BTAF1: variants seen among roughly 807,000 people sequenced by gnomAD.
The protein encoded by BTAF1 is B-TFIID TATA-box binding protein associated factor 1, also known as TATA-binding protein-associated factor 172.
Under a neutral mutation model 227.1 loss-of-function variants are expected in BTAF1, and 38 were observed. The ratio of observed to expected loss-of-function variants is 0.17; its 90% CI spans 0.13 to 0.22. BTAF1 has a LOEUF of 0.22. BTAF1 is among the 10% of genes least tolerant of loss of function. The pLI, the probability that BTAF1 is intolerant of heterozygous loss-of-function variation, is 1.00. For missense variants in BTAF1, 1,598 were observed against 2,204.0 expected (o/e 0.73, Z 5.51); for synonymous variants, 742 against 751.9 (o/e 0.99, Z 0.21).
chr10:92,007,644 T>A (rs1454085266), intron 25 of BTAF1, among the ~76,000 whole-genome samples: 1 of 152,180 alleles, frequency 6.6e-6, no homozygotes, highest in Admixed American at 6.5e-5. Context: ...GTACACGCAG[T>A]TTTCTCCATG....
At chr10:91,978,489 A>G (rs1319436273) in intron 14 of BTAF1, among the ~76,000 whole-genome samples, 3 of 148,470 alleles carry the variant, frequency 2.0e-5, no homozygotes, top group Non-Finnish European at 4.6e-5. Flanking sequence ...GATTGTCCCT[A>G]ATTCCCTCCA....
At chr10:91,990,261 AAAAATATGTT>A in intron 20 of BTAF1, among the ~76,000 whole-genome samples, 1 of 152,196 alleles carries the variant, frequency 6.6e-6, no homozygotes, top group East Asian at 1.9e-4. Flanking sequence ...ATAGATCTTG[AAAAATATGTT>A]TATGAACTAG....
rs775782788 is a variant in BTAF1 at position 92,018,893 on chromosome 10, A to G, written c.4821A>G (p.Leu1607=). 6.2e-5 allele frequency: 100 copies of G among 1,608,290 alleles called. 1 individual carries two copies. In the East Asian group the frequency reaches 2.2e-3, roughly 35 times the overall value. ...AEKLAVQNSS[L]HDIQHAPKLS... ...AACTGGCAGTTCAGAATTCTTCTCT[A>G]CATGATATTCAACATGCCCCTAAGC... Residue 1607 remains leucine (L), a synonymous_variant, in exon 34 of 38, where the codon CTA becomes CTG. Transcript: ENST00000265990.
chr10:91,981,705 G>C lies in BTAF1; in HGVS notation c.1818G>C (p.Trp606Cys). The C allele has an allele frequency of 2.5e-6, 4 of 1,613,894 alleles. No individual in the cohort carries two copies. Among genetic ancestry groups the C allele is most frequent in the Non-Finnish European group, 3.4e-6 (4 of 1,179,862 alleles). The change falls in exon 16 of 38, where the codon TGG (tryptophan) becomes TGC (cysteine). Residue 606 changes from tryptophan (W) to cysteine (C), a missense_variant. Around this residue, in one of 10 missense-constraint regions of BTAF1, gnomAD observed 318 missense variants for 435.0 expected, o/e 0.73. Transcript: ENST00000265990. ...ATGTGGTAGCAGCTGCTTGCCCATG[G>C]ATGGGTGCTTGGCTTTGCTTGATGA... Reference protein sequence around the residue: ...VQYVVAAACPWMGAWLCLMMQ... With the variant: ...VQYVVAAACPCMGAWLCLMMQ...
At chr10:91,955,273 C>T (rs1211015009) in intron 6 of BTAF1, among the ~76,000 whole-genome samples, 1 of 152,162 alleles carries the variant, frequency 6.6e-6, no homozygotes. Context: ...TTTCAGAGTT[C>T]ATGAGTCATT....
At chr10:92,007,832 G>T (rs1850032858) in intron 25 of BTAF1, among the ~76,000 whole-genome samples, 1 of 152,216 alleles carries the variant, frequency 6.6e-6, no homozygotes, top group African/African-American at 2.4e-5. Context: ...GCCAGTAATG[G>T]CATTTAATTC....
At chr10:91,990,944 T>TA (rs1054526604) in intron 20 of BTAF1, among the ~76,000 whole-genome samples, 9 of 151,060 alleles carry the variant, frequency 6.0e-5, no homozygotes, top group African/African-American at 1.7e-4. Flanking sequence ...CCATCTCTAC[T>TA]AAAAAAATAT....
intron 24 of BTAF1, among the ~76,000 whole-genome samples, 162 bp from the exon 25 acceptor site, chr10:91,997,441 T>A (rs1849218949): frequency 6.6e-6 from 1 of 152,366 alleles, no homozygotes; most frequent in South Asian, 2.1e-4. Context: ...AATGGGCAGA[T>A]ACTTTTATAA....
In BTAF1 at chr10:92,024,732, G is replaced by GTTTTTTTGTTTTTT. The variant is rs66512665; in HGVS notation, c.4864-17_4864-16insGTTTTTTTTTTTTT. The GTTTTTTTGTTTTTT allele has an allele frequency of 1.1e-4, 138 of 1,267,948 alleles. 4 individuals are homozygous for GTTTTTTTGTTTTTT. The highest frequency in any genetic ancestry group is 5.0e-4 in the Admixed American group (21 of 42,248). 78.5% of individuals were successfully genotyped at this position (1,267,948 alleles called of 1,614,324 possible). A position where few individuals can be genotyped will look rare whatever the true frequency, so the allele number is the denominator to read the frequency against. On this transcript the variant is annotated intron_variant, in intron 34 of 37. Coordinates refer to ENST00000265990, the MANE Select transcript of BTAF1 (RefSeq NM_003972.3). Reference sequence around the variant, plus strand: ...TCTGCTTTTATTGAACGCTTATGTAGTTTTTTTTTTTTTTCTTCCTAAGTT... The same window carrying GTTTTTTTGTTTTTT: ...TCTGCTTTTATTGAACGCTTATGTAGTTTTTTTGTTTTTTTTTTTTTTTTTTTTCTTCCTAAGTT...
Position 92,024,746 on chromosome 10 carries a change from T to TTTTTTTTTTTTC in BTAF1, c.4864-10_4864-9insTTTTTTTTTTTC. ...ACGCTTATGTAGTTTTTTTTTTTTT[T>TTTTTTTTTTTTC]CTTCCTAAGTTGCTGTTGGACTGCG... On this transcript the variant is annotated splice_polypyrimidine_tract_variant and intron_variant, in intron 34 of 37. Transcript: ENST00000265990. 2 of 1,576,492 alleles carry TTTTTTTTTTTTC rather than the reference T, an allele frequency of 1.3e-6. No individual in the cohort carries two copies.
chr10:91,953,524 G>C (rs1052771875), intron 5 of BTAF1, among the ~76,000 whole-genome samples: 1 of 152,102 alleles, frequency 6.6e-6, no homozygotes, highest in African/African-American at 2.4e-5. Context: ...AAGCATATGT[G>C]TATCTGTTGG....
chr10:91,923,973 T>A lies in BTAF1; in HGVS notation c.-104T>A. ...CCCCACGCCGCACCGGCCGCTCCCC[T>A]GTGCTCCGCGGCCTGGGCCTGCGCC... On this transcript the variant is annotated 5_prime_UTR_variant, in exon 1 of 38. Coordinates refer to ENST00000265990, the MANE Select transcript of BTAF1 (RefSeq NM_003972.3). The A allele has an allele frequency of 7.0e-7, 1 of 1,423,702 alleles. No individual in the cohort carries two copies. The highest frequency in any genetic ancestry group is 1.5e-5 in the African/African-American group (1 of 67,708). 88.2% of individuals were successfully genotyped at this position (1,423,702 alleles called of 1,614,324 possible). A position where few individuals can be genotyped will look rare whatever the true frequency, so the allele number is the denominator to read the frequency against.
In BTAF1 at chr10:91,971,114, T is replaced by C. The variant is rs75123860; in HGVS notation, c.1650+4357T>C. Among the ~76,000 whole-genome samples the C allele has an allele frequency of 1.4e-3, 207 of 152,362 alleles. 6 individuals carry two copies. The East Asian group carries it at 0.037, about 27-fold the overall frequency. On this transcript the variant is annotated intron_variant, in intron 14 of 37. Coordinates refer to ENST00000265990, the MANE Select transcript of BTAF1 (RefSeq NM_003972.3). Reference sequence around the variant, plus strand: ...CCTTTTTTGTTGGAGTCTTAATGTTTATTGTGTTTCCTGTATCCTTTTGTG... The same window carrying C: ...CCTTTTTTGTTGGAGTCTTAATGTTCATTGTGTTTCCTGTATCCTTTTGTG...
rs754782009 is a variant in BTAF1, at chr10:91,962,662, A to G, written c.1388A>G (p.Tyr463Cys). ...SLVPVVESLV[Y>C]LQTQKVPFII... ...GTGCCTGTAGTAGAAAGCCTTGTCTATCTTCAGACACAAAAGGTAAATTAA... is the reference window on the plus strand; with the variant it reads ...GTGCCTGTAGTAGAAAGCCTTGTCTGTCTTCAGACACAAAAGGTAAATTAA... The change falls in exon 12 of 38, where the codon TAT (tyrosine) becomes TGT (cysteine). Residue 463 changes from tyrosine (Y) to cysteine (C), a missense_variant. By Grantham distance (194) the Tyr-to-Cys change is radical (BLOSUM62 -2). Coordinates refer to ENST00000265990, the MANE Select transcript of BTAF1 (RefSeq NM_003972.3). 5 of 1,593,192 alleles carry G rather than the reference A, an allele frequency of 3.1e-6. No individual in the cohort carries two copies. The South Asian group carries it at 5.8e-5, about 19-fold the overall frequency.
At chr10:91,990,698 C>T (rs1234124002) in intron 20 of BTAF1, among the ~76,000 whole-genome samples, 2 of 152,078 alleles carry the variant, frequency 1.3e-5, no homozygotes, top group African/African-American at 4.8e-5. Context: ...GAGGCTGAGG[C>T]AAGAGAATGG....
At chr10:91,976,174 TATAAAGG>T (rs1390465258) in intron 14 of BTAF1, among the ~76,000 whole-genome samples, 1 of 152,136 alleles carries the variant, frequency 6.6e-6, no homozygotes, top group Non-Finnish European at 1.5e-5. Flanking sequence ...GCCGGTTTTC[TATAAAGG>T]ACACAACTTA....
At chr10:91,991,073 C>T (rs929948793) in intron 20 of BTAF1, among the ~76,000 whole-genome samples, 9 of 150,846 alleles carry the variant, frequency 6.0e-5, no homozygotes, top group African/African-American at 9.7e-5. Flanking sequence ...GGTGAAACCC[C>T]GTCTGTACTA....
rs577897142 is a variant in BTAF1, at chr10:92,020,546, G to A, written c.4863+1611G>A. On this transcript the variant is annotated intron_variant, in intron 34 of 37. Coordinates refer to ENST00000265990, the MANE Select transcript of BTAF1 (RefSeq NM_003972.3). ...AATGAAGATTTTAGATTCCACATAG[G>A]TTAGTGTGGAAAATGTTATCTAATA... Among the ~76,000 whole-genome samples, 5 of 152,234 alleles carry A rather than the reference G, an allele frequency of 3.3e-5. No individual in the cohort carries two copies. The South Asian group carries it at 1.0e-3, about 32-fold the overall frequency.
chr10:91,928,783 A>G (rs1844058201), intron 1 of BTAF1, among the ~76,000 whole-genome samples: 1 of 99,666 alleles, frequency 1.0e-5, no homozygotes, highest in East Asian at 2.9e-4. Context: ...CGCCCCCCAA[A>G]AAAAGCAACC....
Sources: allele counts gnomAD v4.1 joint callset (sites outside exome capture counted in the v4.1 genomes callset), GRCh38; gene constraint gnomAD v4.1.1; regional missense constraint gnomAD v4.1.1; transcripts MANE v1.5; gene names NCBI Gene and HGNC (gene_info 2026-07-23, HGNC 2026-07-21).